Variants in GPR158 observed in about 807,000 individuals in gnomAD.
The protein encoded by GPR158 is metabotropic glycine receptor.
GPR158 carries 30 observed loss-of-function variants against 78.2 expected under a neutral mutation model. The ratio of observed to expected loss-of-function variants is 0.38; its 90% CI spans 0.29 to 0.52. GPR158 has a LOEUF of 0.52. GPR158 is among the 20% of genes least tolerant of loss of function. The probability of loss-of-function intolerance (pLI) is 0.83; values close to 1 mark genes in which losing one functional copy is unlikely to be tolerated. For missense variants in GPR158, 1,463 were observed against 1,523.5 expected, an observed-to-expected ratio of 0.96 and a Z score of 0.66; for synonymous variants, 581 against 591.1, an observed-to-expected ratio of 0.98 and a Z score of 0.25.
chr10:25,279,349 C>T (rs548099949), intron 2 of GPR158, among the ~76,000 whole-genome samples: 1 of 152,220 alleles, frequency 6.6e-6, no homozygotes, highest in Admixed American at 6.5e-5. Flanking sequence ...TGAGAATCCA[C>T]AGAAGTGACA....
intron 2 of GPR158, among the ~76,000 whole-genome samples, chr10:25,290,664 TG>T (rs910741540): frequency 6.6e-6 from 1 of 152,142 alleles, no homozygotes; most frequent in Non-Finnish European, 1.5e-5. Context: ...TAAATGACTT[TG>T]TGGGAGGGAG....
intron 5 of GPR158, among the ~76,000 whole-genome samples, chr10:25,517,146 G>T (rs1279543560): frequency 1.4e-5 from 2 of 146,386 alleles, no homozygotes; most frequent in South Asian, 2.2e-4. Context: ...GTGAATGGGA[G>T]TTCACTCATG....
At position 25,566,675 on chromosome 10, in the gene GPR158, A is replaced by G. The variant is rs145700576; in HGVS notation, c.1515-5974A>G. ...GTGAATTTTCTTTCTTGAAATAGCA[A>G]TAACTTAATATACTCACAATAAACT... On this transcript the variant is annotated intron_variant, in intron 6 of 10. Transcript: ENST00000376351. Among the ~76,000 whole-genome samples the G allele has an allele frequency of 3.3e-4, 50 of 152,358 alleles. 2 individuals carry two copies. The highest frequency in any genetic ancestry group is 1.2e-3 in the African/African-American group (49 of 41,588).
intron 3 of GPR158, among the ~76,000 whole-genome samples, chr10:25,408,483 C>T (rs916569955): frequency 6.6e-5 from 10 of 152,190 alleles, no homozygotes; most frequent in African/African-American, 2.4e-4. Context: ...AAATCTGAAT[C>T]TTACAGCCCA....
intron 5 of GPR158, among the ~76,000 whole-genome samples, chr10:25,543,563 T>C (rs1357567728): frequency 6.6e-6 from 1 of 152,186 alleles, no homozygotes; most frequent in Non-Finnish European, 1.5e-5. Context: ...TTTTAATGTA[T>C]CCATCACTTA....
At chr10:25,492,460 A>C (rs906238004) in intron 5 of GPR158, among the ~76,000 whole-genome samples, 1 of 151,524 alleles carries the variant, frequency 6.6e-6, no homozygotes, top group Non-Finnish European at 1.5e-5. Context: ...GTTAAGATGC[A>C]CTGATTGTCC....
chr10:25,247,720 G>A (rs1255859571), intron 2 of GPR158, among the ~76,000 whole-genome samples: 1 of 151,632 alleles, frequency 6.6e-6, no homozygotes, highest in Non-Finnish European at 1.5e-5. Flanking sequence ...TATTATTGTT[G>A]GACATTTGGG....
intron 5 of GPR158, among the ~76,000 whole-genome samples, chr10:25,545,071 G>A (rs995388578): frequency 9.8e-5 from 15 of 152,292 alleles, no homozygotes; most frequent in African/African-American, 2.6e-4. Context: ...ATTCCGTGGC[G>A]TATATGTGCC....
At chr10:25,378,329 A>C (rs1834111270) in intron 2 of GPR158, among the ~76,000 whole-genome samples, 1 of 152,166 alleles carries the variant, frequency 6.6e-6, no homozygotes, top group Admixed American at 6.6e-5. Flanking sequence ...TATTTCATAT[A>C]AACTGAATGG....
At chr10:25,485,634 T>C (rs1835726269) in intron 5 of GPR158, among the ~76,000 whole-genome samples, 1 of 152,218 alleles carries the variant, frequency 6.6e-6, no homozygotes, top group Non-Finnish European at 1.5e-5. Context: ...TGCTGAAATA[T>C]GAAGAAAATA....
intron 4 of GPR158, among the ~76,000 whole-genome samples, chr10:25,464,292 T>C (rs192018784): frequency 3.9e-5 from 6 of 152,298 alleles, no homozygotes; most frequent in African/African-American, 1.4e-4. Context: ...TCTTAGAAGA[T>C]ATTGCAGGAT....
intron 8 of GPR158, among the ~76,000 whole-genome samples, chr10:25,593,683 C>T (rs1588927865): frequency 6.6e-6 from 1 of 152,074 alleles, no homozygotes; most frequent in Admixed American, 6.6e-5. Context: ...ATAAATTTCT[C>T]CATCAGATAA....
intron 4 of GPR158, 86 bp downstream of exon 4, chr10:25,412,559 G>T (rs1341514471): frequency 1.2e-6 from 1 of 865,376 alleles, no homozygotes; most frequent in East Asian, 2.4e-5. Flanking sequence ...AATTCAAGTT[G>T]CTTCCCTCCT....
Position 25,409,340 on chromosome 10 carries a change from C to T in GPR158, c.1112-2910C>T, listed in dbSNP as rs143824392. ...ATCTTGACTATGTTTCTTAGTAATG[C>T]ATACTGTCGTACTCTAACTGGATTA... On this transcript the variant is annotated intron_variant, in intron 3 of 10. Transcript: ENST00000376351. Among the ~76,000 whole-genome samples, 1,114 of 152,284 alleles carry T rather than the reference C, an allele frequency of 7.3e-3. 6 individuals are homozygous for T. Among genetic ancestry groups the T allele is most frequent in the Non-Finnish European group, 0.012 (784 of 68,020 alleles).
chr10:25,183,459 T>C (rs1852638159), intron 1 of GPR158, among the ~76,000 whole-genome samples: 1 of 152,218 alleles, frequency 6.6e-6, no homozygotes, highest in Admixed American at 6.5e-5. Context: ...TTAGCTTAAA[T>C]ATAATCTGAT....
intron 4 of GPR158, among the ~76,000 whole-genome samples, chr10:25,426,053 T>A (rs1424887087): frequency 2.0e-5 from 3 of 152,166 alleles, no homozygotes; most frequent in African/African-American, 7.2e-5. Context: ...GTTAAAATTC[T>A]GGTTCTTTAA....
chr10:25,248,151 T>A (rs1394775005), intron 2 of GPR158, among the ~76,000 whole-genome samples: 2 of 151,988 alleles, frequency 1.3e-5, no homozygotes, highest in East Asian at 3.8e-4. Flanking sequence ...TCGCCCACTT[T>A]TTGATGGGGT....
chr10:25,498,490 A>C (rs1030818134), intron 5 of GPR158, among the ~76,000 whole-genome samples: 3 of 152,170 alleles, frequency 2.0e-5, no homozygotes, highest in Admixed American at 1.3e-4. Context: ...GGTCTGAGGC[A>C]GGGCCCGGGA....
intron 9 of GPR158, among the ~76,000 whole-genome samples, chr10:25,596,007 T>G (rs1438958694): frequency 6.6e-6 from 1 of 152,180 alleles, no homozygotes; most frequent in East Asian, 1.9e-4. Flanking sequence ...ATTCTCATGG[T>G]ACTTATAATC....
Sources: gnomAD v4.1 joint callset for allele counts (sites outside exome capture counted in the v4.1 genomes callset) on GRCh38, gnomAD v4.1.1 for gene constraint, MANE v1.5 for transcripts, NCBI Gene and HGNC (gene_info 2026-07-23, HGNC 2026-07-21) for gene names.